Variants in METTL2A observed in about 807,000 individuals in gnomAD.
METTL2A encodes tRNA N(3)-cytidine methyltransferase METTL2A.
Under a neutral mutation model 49.4 loss-of-function variants are expected in METTL2A, and 45 were observed. The ratio of observed to expected loss-of-function variants is 0.91; its 90% CI spans 0.72 to 1.17. METTL2A has a LOEUF of 1.17. Among genes scored for constraint, METTL2A ranks in the 50% most tolerant of loss-of-function variants. The pLI is 0.00. For synonymous variants in METTL2A, 118 were observed against 167.5 expected, an observed-to-expected ratio of 0.70 and a Z score of 2.28; for missense variants, 361 against 462.2, an observed-to-expected ratio of 0.78 and a Z score of 2.01.
chr17:62,451,025 C>A lies in METTL2A; in HGVS notation c.*2296C>A, dbSNP rs1199859889. On this transcript the variant is annotated 3_prime_UTR_variant, in exon 9 of 9. Coordinates refer to ENST00000311506, the MANE Select transcript of METTL2A (RefSeq NM_181725.4). ...GTTTACCCAGTAGTCCCAATAATAGCTTTGTCACACAAAAACATGATTATG... is the reference window on the plus strand; with the variant it reads ...GTTTACCCAGTAGTCCCAATAATAGATTTGTCACACAAAAACATGATTATG... 1.3e-5 allele frequency among the ~76,000 whole-genome samples: 2 copies of A among 152,096 alleles called. No homozygotes were observed. Among genetic ancestry groups the A allele is most frequent in the Admixed American group, 6.5e-5 (1 of 15,268 alleles).
intron 7 of METTL2A, among the ~76,000 whole-genome samples, chr17:62,445,301 A>C (rs916354017): frequency 1.3e-5 from 2 of 152,128 alleles, no homozygotes; most frequent in African/African-American, 4.8e-5. Flanking sequence ...AATTAAAAAA[A>C]AAAAAAGGTA....
In METTL2A at chr17:62,440,608, T is replaced by G; in HGVS notation, c.670-9T>G. ...TTCTAACTTACCTGTGTCTTCCATC[T>G]GTCTGCAGACAAATTCAGAATATGA... On this transcript the variant is annotated splice_polypyrimidine_tract_variant and intron_variant, in intron 5 of 8. Transcript: ENST00000311506. 6.2e-7 allele frequency: 1 copy of G among 1,605,090 alleles called. No homozygotes were observed. The highest frequency in any genetic ancestry group is 8.5e-7 in the Non-Finnish European group (1 of 1,177,602).
At chr17:62,440,323 G>T (rs2070730407) in intron 5 of METTL2A, among the ~76,000 whole-genome samples, 1 of 151,930 alleles carries the variant, frequency 6.6e-6, no homozygotes, top group Non-Finnish European at 1.5e-5. Flanking sequence ...CCACATCCTT[G>T]CCATTACTTT....
At chr17:62,429,623 T>TG (rs1171131114) in intron 4 of METTL2A, among the ~76,000 whole-genome samples, 6 of 152,122 alleles carry the variant, frequency 3.9e-5, no homozygotes, top group Admixed American at 6.6e-5. Flanking sequence ...TTTGGAACTC[T>TG]GTGCCTGGAA....
At chr17:62,439,070 C>T (rs1179815201) in intron 5 of METTL2A, among the ~76,000 whole-genome samples, 3 of 150,938 alleles carry the variant, frequency 2.0e-5, no homozygotes, top group Admixed American at 1.3e-4. Flanking sequence ...CCTCCGCCTC[C>T]CAGGTTCAAG....
rs752493658 is a variant in METTL2A at position 62,447,678 on chromosome 17, A to G, written c.917-23A>G. 3.7e-6 allele frequency: 6 copies of G among 1,613,474 alleles called. No homozygotes were observed. The Admixed American group carries it at 8.4e-5, about 22-fold the overall frequency. ...AAAGAAGTGCTTTTAAGTGTCTCTG[A>G]TTTTTAACACATCACTCTGCAGGTC... On this transcript the variant is annotated intron_variant, in intron 7 of 8. Coordinates refer to ENST00000311506, the MANE Select transcript of METTL2A (RefSeq NM_181725.4).
chr17:62,438,869 G>T (rs1004610179), intron 5 of METTL2A, among the ~76,000 whole-genome samples: 2 of 151,874 alleles, frequency 1.3e-5, no homozygotes, highest in African/African-American at 2.4e-5. Context: ...GCTGGAGTGC[G>T]GTGGTACAAT....
intron 5 of METTL2A, among the ~76,000 whole-genome samples, chr17:62,438,158 G>A (rs1194204537): frequency 6.6e-6 from 1 of 152,008 alleles, no homozygotes; most frequent in Admixed American, 6.6e-5. Flanking sequence ...TGTAATCCCA[G>A]CACTTTGGGA....
chr17:62,445,294 TAA>T (rs879814317), intron 7 of METTL2A, among the ~76,000 whole-genome samples: 3 of 137,734 alleles, frequency 2.2e-5, no homozygotes, highest in African/African-American at 2.7e-5. Flanking sequence ...AAAGTATAAT[TAA>T]AAAAAAAAAA....
chr17:62,449,726 A>C lies in METTL2A; in HGVS notation c.*997A>C, dbSNP rs1220706191. On this transcript the variant is annotated 3_prime_UTR_variant, in exon 9 of 9. Transcript: ENST00000311506. ...CTCTGTCTCAAAAAAATAAAAATAA[A>C]AAAAAAATCTTAGTTCCATGGAATT... 1.2e-5 allele frequency: 2 copies of C among 171,958 alleles called. No individual in the cohort carries two copies. Among genetic ancestry groups the C allele is most frequent in the Non-Finnish European group, 2.5e-5 (2 of 80,134 alleles). 10.7% of individuals were successfully genotyped at this position (171,958 alleles called of 1,614,324 possible). A position where few individuals can be genotyped will look rare whatever the true frequency, so the allele number is the denominator to read the frequency against.
intron 6 of METTL2A, 88 bp from the exon 7 acceptor site, chr17:62,444,749 T>A: frequency 1.5e-6 from 2 of 1,299,438 alleles, no homozygotes; most frequent in South Asian, 2.5e-5. Flanking sequence ...GTTGAGGAAG[T>A]CCACTGGCTT....
intron 7 of METTL2A, among the ~76,000 whole-genome samples, chr17:62,446,018 A>G (rs970958100): frequency 1.3e-5 from 2 of 152,234 alleles, no homozygotes; most frequent in Non-Finnish European, 2.9e-5. Flanking sequence ...GTATTTAGTC[A>G]GTTCACAGAA....
intron 6 of METTL2A, among the ~76,000 whole-genome samples, chr17:62,443,093 C>G (rs2070747578): frequency 6.6e-6 from 1 of 152,178 alleles, no homozygotes; most frequent in Non-Finnish European, 1.5e-5. Flanking sequence ...CAGAGGTTGA[C>G]CAGGCACAGT....
At chr17:62,444,316 G>C (rs1209767813) in intron 6 of METTL2A, among the ~76,000 whole-genome samples, 1 of 152,216 alleles carries the variant, frequency 6.6e-6, no homozygotes, top group Non-Finnish European at 1.5e-5. Flanking sequence ...CAGTTACTCT[G>C]CGGCCCAGGC....
At chr17:62,426,800 C>T (rs2070630848) in intron 3 of METTL2A, 146 bp downstream of exon 3, 1 of 618,784 alleles carries the variant, frequency 1.6e-6, no homozygotes, top group African/African-American at 1.8e-5. Context: ...GAATCACCTC[C>T]ATTTTTGAAC....
At position 62,448,603 on chromosome 17, in the gene METTL2A, T is replaced by C; in HGVS notation, c.1011T>C (p.Ala337=). The change falls in exon 9 of 9, where the codon GCT becomes GCC. Residue 337 remains alanine (A), a synonymous_variant. Transcript: ENST00000311506. ...AACTGGACACGCTTTTCACCACTGCTGGACTGGAAAAAGTTCAGAACCTGG... is the reference window on the plus strand; with the variant it reads ...AACTGGACACGCTTTTCACCACTGCCGGACTGGAAAAAGTTCAGAACCTGG... The part of the protein sequence containing the change: ...QEELDTLFTT[A]GLEKVQNLVD... The C allele has an allele frequency of 6.2e-7, 1 of 1,614,174 alleles. No individual in the cohort carries two copies. Among genetic ancestry groups the C allele is most frequent in the Non-Finnish European group, 8.5e-7 (1 of 1,180,026 alleles).
intron 7 of METTL2A, 39 bp from the exon 8 acceptor site, chr17:62,447,662 C>G (rs763113974): frequency 1.2e-6 from 2 of 1,610,958 alleles, no homozygotes; most frequent in Non-Finnish European, 1.7e-6. Context: ...CAAAGAAGTG[C>G]TTTTAAGTGT....
chr17:62,442,810 G>A (rs1301474960), intron 6 of METTL2A, among the ~76,000 whole-genome samples: 3 of 152,196 alleles, frequency 2.0e-5, no homozygotes, highest in Admixed American at 2.0e-4. Context: ...GTAAGTTAGT[G>A]TTAAAGGTCA....
In METTL2A at chr17:62,445,832, T is replaced by G. The variant is rs151284251; in HGVS notation, c.916+889T>G. 5.9e-3 allele frequency among the ~76,000 whole-genome samples: 894 copies of G among 152,138 alleles called. 7 individuals carry two copies. The highest frequency in any genetic ancestry group is 0.02 in the African/African-American group (847 of 41,524). On this transcript the variant is annotated intron_variant, in intron 7 of 8. Coordinates refer to ENST00000311506, the MANE Select transcript of METTL2A (RefSeq NM_181725.4). ...AAAGATATTTGAAAGACATAAATAA[T>G]TTTAAATGTGGCATGACAAAAGATG...
Sources: allele counts gnomAD v4.1 joint callset (sites outside exome capture counted in the v4.1 genomes callset), GRCh38; gene constraint gnomAD v4.1.1; transcripts MANE v1.5; gene names NCBI Gene and HGNC (gene_info 2026-07-23, HGNC 2026-07-21).